Variants in NKAIN3 observed in about 807,000 individuals in gnomAD.
NKAIN3 encodes sodium/potassium-transporting ATPase subunit beta-1-interacting protein 3.
Under a neutral mutation model 30.2 loss-of-function variants are expected in NKAIN3, and 25 were observed. The observed-to-expected ratio is 0.83, with a 90% CI of 0.60 to 1.16. The LOEUF is 1.16. Among genes scored for constraint, NKAIN3 ranks in the 50% most tolerant of loss-of-function variants. The pLI, the probability that NKAIN3 is intolerant of heterozygous loss-of-function variation, is 0.00. For synonymous variants in NKAIN3, 91 were observed against 89.6 expected, an observed-to-expected ratio of 1.02 and a Z score of -0.09; for missense variants, 225 against 254.1, an observed-to-expected ratio of 0.89 and a Z score of 0.78.
chr8:62,988,377 A>T (rs1231443760), downstream of NKAIN3, among the ~76,000 whole-genome samples: 1 of 152,244 alleles, frequency 6.6e-6, no homozygotes, highest in Non-Finnish European at 1.5e-5. Flanking sequence ...GCCCTAGCAG[A>T]GGGTCTCCAT....
At position 62,322,360 on chromosome 8, in the gene NKAIN3, A is replaced by G. The variant is rs561313171; in HGVS notation, c.54+73233A>G. ...CTGCACCCACTTTCCAACACTCCCCAGTGAGATGAACCCAGTACCTCAGTT... is the reference window on the plus strand; with the variant it reads ...CTGCACCCACTTTCCAACACTCCCCGGTGAGATGAACCCAGTACCTCAGTT... On this transcript the variant is annotated intron_variant, in intron 1 of 6. Transcript: ENST00000623646. Among the ~76,000 whole-genome samples, 11 of 152,172 alleles carry G rather than the reference A, an allele frequency of 7.2e-5. No individual in the cohort carries two copies. The South Asian group carries it at 2.1e-3, about 29-fold the overall frequency.
At chr8:62,898,216 T>G (rs966906727) in intron 4 of NKAIN3, among the ~76,000 whole-genome samples, 4 of 107,538 alleles carry the variant, frequency 3.7e-5, no homozygotes, top group African/African-American at 1.3e-4. Context: ...AATAAGAAAA[T>G]GGGAATCAAA....
chr8:62,709,580 T>C (rs932228945), intron 3 of NKAIN3, among the ~76,000 whole-genome samples: 1 of 152,164 alleles, frequency 6.6e-6, no homozygotes. Context: ...ACCGTTTTGT[T>C]TCTTAGTGAG....
At chr8:62,717,518 A>C (rs1181261356) in intron 3 of NKAIN3, among the ~76,000 whole-genome samples, 1 of 151,944 alleles carries the variant, frequency 6.6e-6, no homozygotes, top group Non-Finnish European at 1.5e-5. Flanking sequence ...TTTTTACAGT[A>C]GCAAGTAATG....
intron 3 of NKAIN3, among the ~76,000 whole-genome samples, chr8:62,663,343 AT>A (rs1813001335): frequency 6.6e-6 from 1 of 152,206 alleles, no homozygotes; most frequent in Admixed American, 6.5e-5. Context: ...CTATTACTCT[AT>A]TGTAGTAATT....
At chr8:62,487,186 G>A (rs1475707516) in intron 1 of NKAIN3, among the ~76,000 whole-genome samples, 1 of 152,182 alleles carries the variant, frequency 6.6e-6, no homozygotes, top group African/African-American at 2.4e-5. Flanking sequence ...CGTTTACCCA[G>A]GCACTCACTG....
intron 3 of NKAIN3, among the ~76,000 whole-genome samples, chr8:62,652,636 T>C (rs1251486991): frequency 6.6e-6 from 1 of 152,192 alleles, no homozygotes; most frequent in African/African-American, 2.4e-5. Flanking sequence ...TAGTCTGATA[T>C]ATACCAGCTT....
intron 3 of NKAIN3, among the ~76,000 whole-genome samples, chr8:62,675,266 C>T (rs1586077179): frequency 6.6e-6 from 1 of 152,244 alleles, no homozygotes; most frequent in African/African-American, 2.4e-5. Flanking sequence ...TGTGTCAATT[C>T]AATTACATTG....
In NKAIN3 at chr8:62,273,826, T is replaced by TA. The variant is rs1812846265; in HGVS notation, c.54+24700dup. ...TTGTAGCATGAATATGTAAACACCTTACTACGGTTCTGAAATCATAGTTAT... is the reference window on the plus strand; with the variant it reads ...TTGTAGCATGAATATGTAAACACCTTAACTACGGTTCTGAAATCATAGTTAT... On this transcript the variant is annotated intron_variant, in intron 1 of 6. Transcript: ENST00000623646. Among the ~76,000 whole-genome samples, 4 of 152,200 alleles carry TA rather than the reference T, an allele frequency of 2.6e-5. No individual in the cohort carries two copies. In the South Asian group the frequency reaches 8.3e-4, roughly 31 times the overall value.
intron 4 of NKAIN3, among the ~76,000 whole-genome samples, chr8:62,891,613 C>A (rs1563614778): frequency 6.6e-6 from 1 of 152,128 alleles, no homozygotes; most frequent in Non-Finnish European, 1.5e-5. Context: ...GTGGAAAAAT[C>A]GAGCCAGCTT....
At chr8:62,264,339 C>T (rs896434945) in intron 1 of NKAIN3, among the ~76,000 whole-genome samples, 2 of 152,170 alleles carry the variant, frequency 1.3e-5, no homozygotes, top group African/African-American at 4.8e-5. Context: ...CCAATATTGA[C>T]AGAGTCAAGA....
At chr8:62,843,123 G>A (rs573381109) in intron 4 of NKAIN3, among the ~76,000 whole-genome samples, 2 of 151,962 alleles carry the variant, frequency 1.3e-5, no homozygotes, top group Non-Finnish European at 2.9e-5. Flanking sequence ...GAGAGAGGCA[G>A]TAGAATGAGT....
intron 4 of NKAIN3, among the ~76,000 whole-genome samples, chr8:62,861,371 A>G (rs1422442680): frequency 2.0e-5 from 3 of 152,242 alleles, no homozygotes; most frequent in Non-Finnish European, 2.9e-5. Context: ...CAGACCCACA[A>G]ATAATTTCAA....
At chr8:62,855,573 T>C in intron 4 of NKAIN3, 1 of 1,573,998 alleles carries the variant, frequency 6.4e-7, no homozygotes, top group Non-Finnish European at 8.7e-7. Flanking sequence ...CTTTTATTCA[T>C]TGCTTCAACC....
intron 1 of NKAIN3, among the ~76,000 whole-genome samples, chr8:62,415,826 C>T (rs995082313): frequency 2.0e-5 from 3 of 151,778 alleles, no homozygotes; most frequent in Non-Finnish European, 4.4e-5. Context: ...GGCGCGATCT[C>T]GGCTCACGGC....
At chr8:62,354,287 G>T (rs1816276219) in intron 1 of NKAIN3, among the ~76,000 whole-genome samples, 1 of 140,706 alleles carries the variant, frequency 7.1e-6, no homozygotes, top group Non-Finnish European at 1.5e-5. Flanking sequence ...CTTTTTTTAG[G>T]TGAGTAAACT....
rs5891869 is a variant in NKAIN3, at chr8:62,696,666, TAA to T, written c.274-50256_274-50255del. On this transcript the variant is annotated intron_variant, in intron 3 of 6. Transcript: ENST00000623646. ...GTTCTCTTTGCTTTAAGTTCCCAAT[TAA>T]AAAAAAAAAGAAACAATAAATTGTA... Among the ~76,000 whole-genome samples the T allele has an allele frequency of 5.4e-5, 8 of 147,382 alleles. No homozygotes were observed. In the East Asian group the frequency reaches 5.9e-4, roughly 11 times the overall value.
chr8:62,773,236 T>C (rs1049315814), intron 4 of NKAIN3, among the ~76,000 whole-genome samples: 1 of 152,174 alleles, frequency 6.6e-6, no homozygotes, highest in African/African-American at 2.4e-5. Flanking sequence ...TGTTTGTATA[T>C]GGAGAGAGAT....
At chr8:62,645,442 A>G (rs1812432183) in intron 3 of NKAIN3, among the ~76,000 whole-genome samples, 1 of 152,180 alleles carries the variant, frequency 6.6e-6, no homozygotes. Context: ...GGATAGATGT[A>G]GGGAGAATAC....
Sources: allele counts gnomAD v4.1 joint callset (sites outside exome capture counted in the v4.1 genomes callset), GRCh38; gene constraint gnomAD v4.1.1; transcripts MANE v1.5; gene names NCBI Gene and HGNC (gene_info 2026-07-23, HGNC 2026-07-21).